DNAH10: variants seen among roughly 807,000 people sequenced by gnomAD.
DNAH10 encodes dynein axonemal heavy chain 10.
DNAH10 carries 348 observed loss-of-function variants against 506.6 expected under a neutral mutation model. The observed-to-expected ratio is 0.69, with a 90% CI of 0.63 to 0.75. DNAH10 has a LOEUF of 0.75. Ranked by LOEUF, DNAH10 falls within the 30% of genes least tolerant of loss-of-function variation. DNAH10 has a pLI of 0.00. For synonymous variants in DNAH10, 2,059 were observed against 2,198.6 expected (o/e 0.94, Z 1.78); for missense variants, 5,179 against 5,787.1 (o/e 0.89, Z 3.41).
chr12:123,783,005 C>T lies in DNAH10; in HGVS notation c.842-102C>T, dbSNP rs553461099. On this transcript the variant is annotated intron_variant, in intron 6 of 78. Transcript: ENST00000673944. ...AGGGGATGCGTCAGACCTTATTATA[C>T]TGATGAAGCTTGAGAGACGACCCAG... is the stretch of plus-strand genomic sequence containing the variant. 13 of 1,029,556 alleles carry T rather than the reference C, an allele frequency of 1.3e-5. No homozygotes were observed. The Admixed American group carries it at 2.3e-4, about 19-fold the overall frequency. 63.8% of individuals were successfully genotyped at this position (1,029,556 alleles called of 1,614,324 possible). A position where few individuals can be genotyped will look rare whatever the true frequency, so the allele number is the denominator to read the frequency against.
Position 123,772,385 on chromosome 12 carries a change from C to T in DNAH10, c.397-449C>T, listed in dbSNP as rs570537158. On this transcript the variant is annotated intron_variant, in intron 3 of 78. Transcript: ENST00000673944. ...AGTTGTCACCCTAAGAGCCGAAGGC[C>T]GGTTCTGAAGACGTTTGGCATGTGT... 6.6e-5 allele frequency among the ~76,000 whole-genome samples: 10 copies of T among 152,298 alleles called. No individual in the cohort carries two copies. In the South Asian group the frequency reaches 8.3e-4, roughly 13 times the overall value.
chr12:123,874,795 G>A (rs1238103611), intron 46 of DNAH10, among the ~76,000 whole-genome samples: 1 of 152,200 alleles, frequency 6.6e-6, no homozygotes. Flanking sequence ...AGAAGCAGAA[G>A]TGTCGATGTG....
chr12:123,794,646 G>C (rs997822506), intron 12 of DNAH10, among the ~76,000 whole-genome samples: 5 of 151,998 alleles, frequency 3.3e-5, no homozygotes, highest in African/African-American at 1.2e-4. Context: ...AGGAGTTTGA[G>C]ACCAGCCTAG....
rs1299692057 is a variant in DNAH10 at position 123,896,162 on chromosome 12, G to C, written c.9280+1439G>C. ...ACACACACACACAGAGAGAGAGAGA[G>C]AGAGAGAGAGAGAGAGAGAGAGAGA... On this transcript the variant is annotated intron_variant, in intron 54 of 78. Transcript: ENST00000673944. 3.7e-3 allele frequency among the ~76,000 whole-genome samples: 536 copies of C among 144,692 alleles called. 4 individuals are homozygous for C. The highest frequency in any genetic ancestry group is 9.1e-3 in the African/African-American group (350 of 38,554). The allele number at this position is 144,692 out of a possible 152,430, so 94.9% of individuals were successfully genotyped here.
At chr12:123,898,181 A>G (rs1953341997) in intron 55 of DNAH10, among the ~76,000 whole-genome samples, 1 of 152,178 alleles carries the variant, frequency 6.6e-6, no homozygotes, top group Admixed American at 6.5e-5. Flanking sequence ...TAGACTTTGA[A>G]GCTTTACATT....
intron 10 of DNAH10, among the ~76,000 whole-genome samples, chr12:123,788,947 TTAAAAA>T (rs1315939345): frequency 6.8e-6 from 1 of 146,608 alleles, no homozygotes; most frequent in African/African-American, 2.5e-5. Context: ...AAAAAAAGAA[TTAAAAA>T]TATAAAGCTT....
At chr12:123,782,353 C>CCCCTT (rs1957690994) in intron 6 of DNAH10, among the ~76,000 whole-genome samples, 1 of 119,408 alleles carries the variant, frequency 8.4e-6, no homozygotes, top group Admixed American at 8.5e-5. Flanking sequence ...CCCCTCCCCT[C>CCCCTT]CCCTTCTCTC....
intron 52 of DNAH10, 129 bp downstream of exon 52, chr12:123,887,442 ACGG>A: frequency 9.0e-7 from 1 of 1,106,628 alleles, no homozygotes; most frequent in Non-Finnish European, 1.2e-6. Context: ...TTCCTCCCTC[ACGG>A]CGGCCCCTGA....
chr12:123,907,660 A>G lies in DNAH10; in HGVS notation c.9816-1601A>G, dbSNP rs888521219. Among the ~76,000 whole-genome samples, 13 of 152,178 alleles carry G rather than the reference A, an allele frequency of 8.5e-5. No individual in the cohort carries two copies. The highest frequency in any genetic ancestry group is 7.2e-4 in the Admixed American group (11 of 15,282). On this transcript the variant is annotated intron_variant, in intron 57 of 78. Coordinates refer to ENST00000673944, the MANE Select transcript of DNAH10 (RefSeq NM_001372106.1). The surrounding 1 kb of genome is among the most constrained non-coding windows in gnomAD (Gnocchi z 4.4). ...GCCCTGGCTGGTTCCTAACTTGCCC[A>G]AGGGCTCAGGACCCCGCCGCAGGCC...
Position 123,935,371 on chromosome 12 carries a change from A to C in DNAH10, c.13660A>C (p.Arg4554=). ...FRTPVYTTSM[R]RNAMGVGLVF... ...GACCCCCGTCTACACCACCTCCATG[A>C]GAAGGAACGCCATGGGAGTCGGCTT... The change falls in exon 79 of 79, where the codon AGA becomes CGA. Residue 4554 remains arginine, a synonymous_variant. Coordinates refer to ENST00000673944, the MANE Select transcript of DNAH10 (RefSeq NM_001372106.1). 6.2e-7 allele frequency: 1 copy of C among 1,611,190 alleles called. No individual in the cohort carries two copies. The highest frequency in any genetic ancestry group is 8.5e-7 in the Non-Finnish European group (1 of 1,177,472).
rs1951126693 is a variant in DNAH10, at chr12:123,850,786, T to C, written c.6103-102T>C. 6.6e-6 allele frequency: 8 copies of C among 1,217,064 alleles called. No individual in the cohort carries two copies. In the Admixed American group the frequency reaches 7.4e-5, roughly 11 times the overall value. 75.4% of individuals were successfully genotyped at this position (1,217,064 alleles called of 1,614,324 possible). A position where few individuals can be genotyped will look rare whatever the true frequency, so the allele number is the denominator to read the frequency against. On this transcript the variant is annotated intron_variant, in intron 34 of 78. Transcript: ENST00000673944. This position sits in a 1 kb window ranked among gnomAD's most constrained non-coding sequence, Gnocchi z 5.5. ...AAGTGGTGTTGTCAGCCTCATACCA[T>C]GAAAATGAATCGCCACGCAGCTCGC...
chr12:123,832,689 C>G lies in DNAH10; in HGVS notation c.4546-425C>G, dbSNP rs572031202. On this transcript the variant is annotated intron_variant, in intron 26 of 78. Transcript: ENST00000673944. ...GAATATGGAATCATAAGAGGCATAT[C>G]ATTTTGTAATTTGGTTTTTGTGACA... Among the ~76,000 whole-genome samples the G allele has an allele frequency of 4.6e-5, 7 of 152,164 alleles. No homozygotes were observed. The South Asian group carries it at 1.2e-3, about 27-fold the overall frequency.
chr12:123,768,888 A>G (rs1957147157), intron 2 of DNAH10, among the ~76,000 whole-genome samples: 1 of 151,938 alleles, frequency 6.6e-6, no homozygotes, highest in Admixed American at 6.6e-5. Flanking sequence ...GTAGAGGTGC[A>G]CCAACATGCC....
In DNAH10 at chr12:123,897,847, C is replaced by G; in HGVS notation, c.9358C>G (p.His3120Asp). The G allele has an allele frequency of 6.2e-7, 1 of 1,611,526 alleles. No homozygotes were observed. Among genetic ancestry groups the G allele is most frequent in the Non-Finnish European group, 8.5e-7 (1 of 1,179,224 alleles). The change falls in exon 55 of 79, where the codon CAC (histidine) becomes GAC (aspartate). Residue 3120 changes from histidine to aspartate, a missense_variant. His to Asp is a moderately conservative substitution (Grantham distance 81). Transcript: ENST00000673944. ...TGTCTTGGTTCACCAATCCGTGGAC[C>G]ACTACAGCCAACAGTTTCTACAGAA... The part of the protein sequence containing the change: ...HVVLVHQSVD[H>D]YSQQFLQKLR...
rs913844549 is a variant in DNAH10 at position 123,903,277 on chromosome 12, G to A, written c.9815+164G>A. On this transcript the variant is annotated intron_variant, in intron 57 of 78. Transcript: ENST00000673944. The surrounding 1 kb of genome is among the most constrained non-coding windows in gnomAD (Gnocchi z 4.6). ...ACTGTTGTTGCCCTCATTTTCGGAT[G>A]GGGAAAATGAGGCCCAGGGAGATGA... 2.6e-5 allele frequency among the ~76,000 whole-genome samples: 4 copies of A among 152,162 alleles called. No individual in the cohort carries two copies. In the East Asian group the frequency reaches 5.8e-4, roughly 22 times the overall value.
intron 21 of DNAH10, among the ~76,000 whole-genome samples, chr12:123,818,238 C>T (rs1232182119): frequency 6.6e-6 from 1 of 151,838 alleles, no homozygotes; most frequent in Non-Finnish European, 1.5e-5. Flanking sequence ...TGAGCTACTG[C>T]ACCCAGCCTC....
At chr12:123,796,184 C>T (rs1029727035) in intron 12 of DNAH10, among the ~76,000 whole-genome samples, 1 of 152,120 alleles carries the variant, frequency 6.6e-6, no homozygotes, top group Non-Finnish European at 1.5e-5. Flanking sequence ...CAGCCGGGCT[C>T]GGTGGCTCAC....
chr12:123,862,415 G>C (rs576884047), intron 39 of DNAH10, among the ~76,000 whole-genome samples: 10 of 150,864 alleles, frequency 6.6e-5, no homozygotes, highest in Non-Finnish European at 1.2e-4. Context: ...TTTTTGAGAG[G>C]GGTCGTGCTC....
In DNAH10 at chr12:123,835,538, TC is replaced by T; in HGVS notation, c.4902+11del. On this transcript the variant is annotated intron_variant, in intron 28 of 78. Transcript: ENST00000673944. ...TAAAGTATTTAAAAGGGCAAGTGAC[TC>T]GCTTCTATTTTAGTAATGAAAGAAG... 6.2e-7 allele frequency: 1 copy of T among 1,604,158 alleles called. No homozygotes were observed. The highest frequency in any genetic ancestry group is 1.1e-5 in the South Asian group (1 of 88,748).
Sources: gnomAD v4.1 joint callset for allele counts (sites outside exome capture counted in the v4.1 genomes callset) on GRCh38, gnomAD v4.1.1 for gene constraint, Gnocchi (gnomAD v3.1) non-coding constraint, MANE v1.5 for transcripts, NCBI Gene and HGNC (gene_info 2026-07-23, HGNC 2026-07-21) for gene names.